The following RYK variants were observed in gnomAD, a reference collection of about 807,000 sequenced individuals.
RYK encodes inactive tyrosine-protein kinase RYK.
Under a neutral mutation model 70.2 loss-of-function variants are expected in RYK, and 21 were observed. The observed-to-expected ratio is 0.30, with a 90% CI of 0.21 to 0.43. RYK has a LOEUF of 0.43. RYK is among the 20% of genes least tolerant of loss of function. The pLI is 1.00. For synonymous variants in RYK, 267 were observed against 278.0 expected (o/e 0.96, Z 0.39); for missense variants, 604 against 753.3 (o/e 0.80, Z 2.32).
At chr3:134,224,862 G>C (rs2014855436) in intron 1 of RYK, among the ~76,000 whole-genome samples, 1 of 152,234 alleles carries the variant, frequency 6.6e-6, no homozygotes, top group Non-Finnish European at 1.5e-5. Context: ...TTGTAGAACA[G>C]AGATTATTAT....
chr3:134,228,631 A>C (rs2014972401), intron 1 of RYK, among the ~76,000 whole-genome samples: 1 of 152,330 alleles, frequency 6.6e-6, no homozygotes, highest in East Asian at 1.9e-4. Context: ...CATATGTGGA[A>C]TCTTTAAAAA....
At chr3:134,178,152 A>G (rs1456812121) in intron 10 of RYK, 79 bp from the exon 11 acceptor site, 1 of 997,654 alleles carries the variant, frequency 1.0e-6, no homozygotes, top group South Asian at 1.6e-5. Context: ...AAATAATCTA[A>G]AACAAAACAA....
intron 2 of RYK, among the ~76,000 whole-genome samples, chr3:134,222,000 C>T (rs2014752798): frequency 6.6e-6 from 1 of 152,114 alleles, no homozygotes; most frequent in South Asian, 2.1e-4. Flanking sequence ...TTTCTTACAC[C>T]GTTTCTCCAT....
At chr3:134,246,549 C>G (rs187320770) in intron 1 of RYK, among the ~76,000 whole-genome samples, 32 of 151,660 alleles carry the variant, frequency 2.1e-4, no homozygotes, top group African/African-American at 7.5e-4. Context: ...TTCAAAAAAA[C>G]AGAAAAAAAG....
chr3:134,165,817 T>C (rs572626978), intron 13 of RYK, among the ~76,000 whole-genome samples: 53 of 152,380 alleles, frequency 3.5e-4, no homozygotes, highest in African/African-American at 1.1e-3. Flanking sequence ...GGAATGAGTA[T>C]GTCTATCCAT....
chr3:134,166,521 G>A (rs1334174317), intron 13 of RYK, among the ~76,000 whole-genome samples: 1 of 152,148 alleles, frequency 6.6e-6, no homozygotes, highest in African/African-American at 2.4e-5. Context: ...GACTACTTCT[G>A]CTATGAATCT....
chr3:134,203,807 A>G (rs1446058533), intron 5 of RYK, among the ~76,000 whole-genome samples: 1 of 152,268 alleles, frequency 6.6e-6, no homozygotes, highest in Non-Finnish European at 1.5e-5. Flanking sequence ...TGTCCAATAC[A>G]GTAGCCACTG....
At chr3:134,219,146 A>T (rs2014654495) in intron 2 of RYK, among the ~76,000 whole-genome samples, 1 of 152,146 alleles carries the variant, frequency 6.6e-6, no homozygotes, top group South Asian at 2.1e-4. Flanking sequence ...AGCTATACCA[A>T]GGCTTCTCCT....
intron 9 of RYK, among the ~76,000 whole-genome samples, chr3:134,188,493 G>A (rs2108162615): frequency 6.6e-6 from 1 of 152,134 alleles, no homozygotes; most frequent in East Asian, 1.9e-4. Flanking sequence ...CACACCCTTA[G>A]GCCAGCAATT....
intron 13 of RYK, among the ~76,000 whole-genome samples, chr3:134,174,918 C>G (rs1248726407): frequency 1.3e-5 from 2 of 152,144 alleles, no homozygotes; most frequent in Non-Finnish European, 2.9e-5. Flanking sequence ...TCTTTATGAT[C>G]TAGCAACTAT....
intron 1 of RYK, among the ~76,000 whole-genome samples, chr3:134,224,845 G>A (rs980976568): frequency 2.6e-5 from 4 of 152,226 alleles, no homozygotes; most frequent in African/African-American, 9.6e-5. Context: ...TTTTTTCTAG[G>A]TTGTAATTGT....
At chr3:134,189,802 T>C (rs1420847320) in intron 8 of RYK, among the ~76,000 whole-genome samples, 1 of 150,696 alleles carries the variant, frequency 6.6e-6, no homozygotes, top group Non-Finnish European at 1.5e-5. Context: ...AAGTTAGTTA[T>C]GACCTTTGCG....
At chr3:134,193,395 G>C (rs1483757182) in intron 7 of RYK, among the ~76,000 whole-genome samples, 1 of 152,186 alleles carries the variant, frequency 6.6e-6, no homozygotes, top group South Asian at 2.1e-4. Flanking sequence ...GTGTTAGCCA[G>C]GATGGTCTTG....
intron 10 of RYK, chr3:134,179,312 G>A (rs1483361496): frequency 1.3e-5 from 2 of 152,126 alleles, no homozygotes; most frequent in African/African-American, 4.8e-5. Context: ...TTAAACCCCA[G>A]TTATAAAACC....
chr3:134,237,880 AT>A (rs2015232206), intron 1 of RYK, among the ~76,000 whole-genome samples: 1 of 152,234 alleles, frequency 6.6e-6, no homozygotes, highest in African/African-American at 2.4e-5. Flanking sequence ...TTTAGTCAAG[AT>A]AATCTTCTAG....
chr3:134,162,234 ATTTT>A (rs35638482), intron 13 of RYK, among the ~76,000 whole-genome samples: 5 of 139,366 alleles, frequency 3.6e-5, no homozygotes, highest in Non-Finnish European at 6.3e-5. Context: ...GGCTTCAACC[ATTTT>A]TTTTTTTTTT....
intron 1 of RYK, among the ~76,000 whole-genome samples, chr3:134,248,346 T>C (rs1468979937): frequency 1.3e-5 from 2 of 152,218 alleles, no homozygotes; most frequent in Non-Finnish European, 2.9e-5. Flanking sequence ...CTGCTGCAAA[T>C]ACTGCTAAGA....
intron 11 of RYK, 115 bp from the exon 12 acceptor site, chr3:134,176,154 C>G (rs2013093150): frequency 1.5e-6 from 1 of 671,166 alleles, no homozygotes; most frequent in Non-Finnish European, 2.6e-6. Context: ...TAAACCTACA[C>G]ACAGAATTTT....
chr3:134,208,579 GT>G (rs1227668647), intron 4 of RYK, among the ~76,000 whole-genome samples: 8 of 152,270 alleles, frequency 5.3e-5, no homozygotes, highest in African/African-American at 1.9e-4. Flanking sequence ...CTATTCAAAT[GT>G]AGTGCAGCTT....
Sources: allele counts gnomAD v4.1 joint callset (sites outside exome capture counted in the v4.1 genomes callset), GRCh38; gene constraint gnomAD v4.1.1; transcripts MANE v1.5; gene names NCBI Gene and HGNC (gene_info 2026-07-23, HGNC 2026-07-21).